Variants in ADRA1A observed in about 807,000 individuals in gnomAD.
ADRA1A encodes alpha-1A adrenergic receptor.
In ADRA1A, 31 loss-of-function variants were observed where a neutral mutation model predicts 29.6. That is an observed-to-expected ratio of 1.05 (90% CI 0.79 to 1.41). ADRA1A has a LOEUF of 1.41. Among genes scored for constraint, ADRA1A ranks in the 40% most tolerant of loss-of-function variants. The pLI, the probability that ADRA1A is intolerant of heterozygous loss-of-function variation, is 0.00. For missense variants in ADRA1A, 619 were observed against 601.1 expected (o/e 1.03, Z -0.31); for synonymous variants, 311 against 254.3 (o/e 1.22, Z -2.12).
downstream of ADRA1A, chr8:26,765,798 C>T (rs956326590): frequency 9.2e-6 from 12 of 1,303,880 alleles, no homozygotes; most frequent in Non-Finnish European, 8.8e-6. Flanking sequence ...CCTGAGCAGA[C>T]CAGCCCCAGA....
downstream of ADRA1A, among the ~76,000 whole-genome samples, chr8:26,768,492 C>T (rs116381917): frequency 4.7e-3 from 722 of 152,174 alleles, 8 homozygotes; most frequent in African/African-American, 0.016. Flanking sequence ...AGCCCTAATC[C>T]GAAAATCTGA....
At chr8:26,812,659 T>C (rs1487049532) in intron 2 of ADRA1A, among the ~76,000 whole-genome samples, 1 of 150,736 alleles carries the variant, frequency 6.6e-6, no homozygotes. Flanking sequence ...ATTTATTTAT[T>C]TTCTTTATTA....
At position 26,866,663 on chromosome 8, in the gene ADRA1A, C is replaced by A. The variant is rs1039600619; in HGVS notation, c.-687+273G>T. Among the ~76,000 whole-genome samples, 4 of 152,140 alleles carry A rather than the reference C, an allele frequency of 2.6e-5. No individual in the cohort carries two copies. The highest frequency in any genetic ancestry group is 2.0e-4 in the Admixed American group (3 of 15,288). ...TCTTGTTAAAATCGCAAGTTGGAGA[C>A]CTCACAGGTGGTATTAAAAACGTGC... On this transcript the variant is annotated intron_variant, in intron 1 of 2. Transcript: ENST00000380573. The surrounding 1 kb of genome is among the most constrained non-coding windows in gnomAD (Gnocchi z 5.7).
chr8:26,816,264 G>A (rs1426750014), intron 2 of ADRA1A, among the ~76,000 whole-genome samples: 2 of 152,192 alleles, frequency 1.3e-5, no homozygotes, highest in Admixed American at 1.3e-4. Flanking sequence ...CACTGAAACT[G>A]GGGAAGGGCA....
At position 26,860,807 on chromosome 8, in the gene ADRA1A, C is replaced by T. The variant is rs1813394868; in HGVS notation, c.883+3280G>A. 6.6e-6 allele frequency among the ~76,000 whole-genome samples: 1 copy of T among 152,094 alleles called. No homozygotes were observed. Among genetic ancestry groups the T allele is most frequent in the African/African-American group, 2.4e-5 (1 of 41,400 alleles). Reference sequence around the variant, plus strand: ...GAATCCCGTTGCCTCTTTTGCCTATCCCATCAGTGCCTCTCTCTATCCCAT... The same window carrying T: ...GAATCCCGTTGCCTCTTTTGCCTATTCCATCAGTGCCTCTCTCTATCCCAT... On this transcript the variant is annotated intron_variant, in intron 2 of 2. Transcript: ENST00000380573. The surrounding 1 kb of genome is among the most constrained non-coding windows in gnomAD (Gnocchi z 4.7).
rs569384529 is a variant in ADRA1A at position 26,865,955 on chromosome 8, G to C, written c.-686-300C>G. 6.6e-6 allele frequency among the ~76,000 whole-genome samples: 1 copy of C among 152,136 alleles called. No homozygotes were observed. Among genetic ancestry groups the C allele is most frequent in the Admixed American group, 6.5e-5 (1 of 15,278 alleles). ...CTCCAGCGCTCGAAGTCTGGATTTC[G>C]AGCGCAGGTACCACGAAATTAAAAT... is the stretch of plus-strand genomic sequence containing the variant. On this transcript the variant is annotated intron_variant, in intron 1 of 2. Coordinates refer to ENST00000380573, the MANE Select transcript of ADRA1A (RefSeq NM_000680.4). This position sits in a 1 kb window ranked among gnomAD's most constrained non-coding sequence, Gnocchi z 7.6.
intron 2 of ADRA1A, among the ~76,000 whole-genome samples, chr8:26,862,426 T>A (rs376279931): frequency 6.6e-6 from 1 of 152,372 alleles, no homozygotes; most frequent in South Asian, 2.1e-4. Flanking sequence ...CATTTTAGGA[T>A]ACAATCATTT....
intron 2 of ADRA1A, among the ~76,000 whole-genome samples, chr8:26,786,075 A>T (rs1035601358): frequency 1.3e-5 from 2 of 152,066 alleles, no homozygotes; most frequent in Non-Finnish European, 2.9e-5. Flanking sequence ...TTTCCACTTA[A>T]AGGCCTCAAA....
At chr8:26,811,930 T>G (rs1352554550) in intron 2 of ADRA1A, among the ~76,000 whole-genome samples, 1 of 152,208 alleles carries the variant, frequency 6.6e-6, no homozygotes, top group African/African-American at 2.4e-5. Flanking sequence ...TTATTTATAG[T>G]AGGAATATAA....
chr8:26,825,656 A>C lies in ADRA1A; in HGVS notation c.883+38431T>G, dbSNP rs998844233. ...TCAACTATGTCAGCCTTCACAGAGC[A>C]ACTGTCATTCTTTAGGAAAAATCAA... is the stretch of plus-strand genomic sequence containing the variant. On this transcript the variant is annotated intron_variant, in intron 2 of 2. Transcript: ENST00000380573. This position sits in a 1 kb window ranked among gnomAD's most constrained non-coding sequence, Gnocchi z 5.7. Among the ~76,000 whole-genome samples the C allele has an allele frequency of 6.6e-6, 1 of 152,214 alleles. No homozygotes were observed. Among genetic ancestry groups the C allele is most frequent in the Non-Finnish European group, 1.5e-5 (1 of 68,038 alleles).
At position 26,825,849 on chromosome 8, in the gene ADRA1A, C is replaced by T. The variant is rs998896681; in HGVS notation, c.883+38238G>A. 2.6e-5 allele frequency among the ~76,000 whole-genome samples: 4 copies of T among 152,188 alleles called. No individual in the cohort carries two copies. In the East Asian group the frequency reaches 7.7e-4, roughly 29 times the overall value. The stretch of plus-strand genomic sequence containing the variant: ...TTGATACCTGCTTAAAACAGAAAAT[C>T]GACTTCCAAGTTCTGCGCACTGGTG... On this transcript the variant is annotated intron_variant, in intron 2 of 2. Coordinates refer to ENST00000380573, the MANE Select transcript of ADRA1A (RefSeq NM_000680.4). This position sits in a 1 kb window ranked among gnomAD's most constrained non-coding sequence, Gnocchi z 5.7.
At chr8:26,797,211 T>C (rs1393509780) in intron 2 of ADRA1A, among the ~76,000 whole-genome samples, 1 of 152,220 alleles carries the variant, frequency 6.6e-6, no homozygotes, top group Non-Finnish European at 1.5e-5. Context: ...ACCCCCTCAC[T>C]GTTTTAAATT....
intron 2 of ADRA1A, among the ~76,000 whole-genome samples, chr8:26,798,524 A>AT (rs986481238): frequency 2.6e-5 from 4 of 152,096 alleles, no homozygotes; most frequent in African/African-American, 9.7e-5. Context: ...TTCAAAGGAC[A>AT]TTTTTTTATT....
chr8:26,753,232 C>T (rs981632271), downstream of ADRA1A, among the ~76,000 whole-genome samples: 1 of 152,146 alleles, frequency 6.6e-6, no homozygotes, highest in Admixed American at 6.6e-5. Flanking sequence ...GCCCTCATAA[C>T]CTATTGCCTT....
At chr8:26,813,555 T>A (rs1809563600) in intron 2 of ADRA1A, among the ~76,000 whole-genome samples, 2 of 152,016 alleles carry the variant, frequency 1.3e-5, no homozygotes, top group Admixed American at 1.3e-4. Flanking sequence ...CAGTCAACCA[T>A]CCCTCAGGTG....
intron 2 of ADRA1A, among the ~76,000 whole-genome samples, chr8:26,758,853 C>T (rs1047036944): frequency 6.6e-6 from 1 of 152,328 alleles, no homozygotes; most frequent in Non-Finnish European, 1.5e-5. Context: ...ACTTGACTTA[C>T]TTGCCTCTTC....
intron 2 of ADRA1A, chr8:26,854,504 C>T (rs1254604133): frequency 6.6e-6 from 1 of 150,542 alleles, no homozygotes; most frequent in Non-Finnish European, 1.5e-5. Flanking sequence ...AGCCACCATA[C>T]CTGTTAATGT....
intron 2 of ADRA1A, among the ~76,000 whole-genome samples, chr8:26,795,584 C>T (rs1207803815): frequency 4.0e-5 from 6 of 151,748 alleles, no homozygotes. Flanking sequence ...ACTTTGCAAC[C>T]CTAAAAATAA....
chr8:26,850,705 TTG>T (rs1464413225), intron 2 of ADRA1A, among the ~76,000 whole-genome samples: 1 of 152,230 alleles, frequency 6.6e-6, no homozygotes, highest in Non-Finnish European at 1.5e-5. Flanking sequence ...TTGGCTAGGC[TTG>T]TCTCAAACTC....
Sources: allele counts gnomAD v4.1 joint callset (sites outside exome capture counted in the v4.1 genomes callset), GRCh38; gene constraint gnomAD v4.1.1; non-coding constraint Gnocchi (gnomAD v3.1); transcripts MANE v1.5; gene names NCBI Gene and HGNC (gene_info 2026-07-23, HGNC 2026-07-21).